LRP1B: variants seen among roughly 807,000 people sequenced by gnomAD.
LRP1B encodes LDL receptor related protein 1B, also known as low-density lipoprotein receptor-related protein 1B.
A neutral mutation model predicts 556.6 loss-of-function variants in LRP1B; 217 were observed. That is an observed-to-expected ratio of 0.39 (90% CI 0.35 to 0.44). LRP1B has a LOEUF of 0.44. Ranked by LOEUF, LRP1B falls within the 20% of genes least tolerant of loss-of-function variation. The pLI is 1.00. For synonymous variants in LRP1B, 2,047 were observed against 1,865.8 expected (o/e 1.10, Z -2.50); for missense variants, 5,053 against 5,620.8 (o/e 0.90, Z 3.23).
intron 32 of LRP1B, among the ~76,000 whole-genome samples, chr2:140,785,643 C>G (rs1689869628): frequency 6.6e-6 from 1 of 151,998 alleles, no homozygotes; most frequent in Non-Finnish European, 1.5e-5. Context: ...GCTAACTACC[C>G]CCTATACCGC....
At chr2:141,115,458 GTTT>G (rs70991138) in intron 7 of LRP1B, among the ~76,000 whole-genome samples, 5 of 120,430 alleles carry the variant, frequency 4.2e-5, no homozygotes, top group African/African-American at 1.2e-4. Flanking sequence ...TTTTGTTTTT[GTTT>G]TTTTTTTTTT....
At chr2:140,718,930 T>C (rs1011492194) in intron 35 of LRP1B, among the ~76,000 whole-genome samples, 3 of 151,438 alleles carry the variant, frequency 2.0e-5, no homozygotes, top group African/African-American at 4.9e-5. Context: ...CCCCTTCTTA[T>C]TGAAACTTTC....
At chr2:140,995,378 T>C (rs776949135) in intron 15 of LRP1B, among the ~76,000 whole-genome samples, 12 of 152,064 alleles carry the variant, frequency 7.9e-5, no homozygotes, top group Non-Finnish European at 1.6e-4. Flanking sequence ...GGGAGATGTA[T>C]CTTTGCAAGA....
chr2:141,877,063 T>C, intron 1 of LRP1B, among the ~76,000 whole-genome samples: 1 of 152,028 alleles, frequency 6.6e-6, no homozygotes, highest in East Asian at 1.9e-4. Context: ...TTTATAATTT[T>C]AGTATTATTT....
chr2:141,118,071 T>C lies in LRP1B; in HGVS notation c.1014-55798A>G, dbSNP rs530987247. Among the ~76,000 whole-genome samples the C allele has an allele frequency of 2.6e-5, 4 of 152,090 alleles. No individual in the cohort carries two copies. The South Asian group carries it at 8.3e-4, about 32-fold the overall frequency. ...TACATTATTCTTGATTAAAACTTTG[T>C]ACCAAACAAATGCATTAATTACTAT... On this transcript the variant is annotated intron_variant, in intron 7 of 90. Transcript: ENST00000389484.
At chr2:140,909,953 G>T (rs1261865836) in intron 21 of LRP1B, among the ~76,000 whole-genome samples, 1 of 150,934 alleles carries the variant, frequency 6.6e-6, no homozygotes, top group East Asian at 2.0e-4. Context: ...AAAAAGCCTT[G>T]AATATAGATA....
intron 14 of LRP1B, among the ~76,000 whole-genome samples, chr2:141,009,546 G>A (rs868658517): frequency 6.6e-6 from 1 of 151,648 alleles, no homozygotes; most frequent in Non-Finnish European, 1.5e-5. Context: ...TCAAAAATGG[G>A]AAATATAAAA....
At chr2:141,722,916 C>T (rs1692888012) in intron 2 of LRP1B, among the ~76,000 whole-genome samples, 1 of 152,130 alleles carries the variant, frequency 6.6e-6, no homozygotes, top group African/African-American at 2.4e-5. Context: ...TAGCTGTAGC[C>T]ATGATGCAGA....
intron 2 of LRP1B, among the ~76,000 whole-genome samples, chr2:141,616,702 C>T (rs1221949977): frequency 6.6e-6 from 1 of 152,198 alleles, no homozygotes; most frequent in Non-Finnish European, 1.5e-5. Flanking sequence ...CCAGGGAACA[C>T]CTTAATGCTT....
chr2:142,064,322 A>G (rs1278969197), intron 1 of LRP1B, among the ~76,000 whole-genome samples: 1 of 151,602 alleles, frequency 6.6e-6, no homozygotes, highest in African/African-American at 2.4e-5. Context: ...CAGAGTTAGA[A>G]AATTCAAGTA....
chr2:140,943,056 G>A (rs939755480), intron 20 of LRP1B, among the ~76,000 whole-genome samples: 3 of 152,042 alleles, frequency 2.0e-5, no homozygotes, highest in African/African-American at 7.2e-5. Context: ...CATGTAATGA[G>A]ACACATAGGT....
chr2:140,747,682 G>A (rs1038674646), intron 35 of LRP1B, among the ~76,000 whole-genome samples: 1 of 152,032 alleles, frequency 6.6e-6, no homozygotes, highest in African/African-American at 2.4e-5. Flanking sequence ...TAATCAGGTT[G>A]GAATAGGTAA....
At chr2:140,424,979 T>C (rs1685594285) in intron 66 of LRP1B, among the ~76,000 whole-genome samples, 1 of 152,196 alleles carries the variant, frequency 6.6e-6, no homozygotes, top group Non-Finnish European at 1.5e-5. Flanking sequence ...TTTTATTGTA[T>C]TTATTTTTAT....
At chr2:141,786,306 G>C (rs887607204) in intron 2 of LRP1B, among the ~76,000 whole-genome samples, 1 of 151,922 alleles carries the variant, frequency 6.6e-6, no homozygotes, top group Non-Finnish European at 1.5e-5. Flanking sequence ...ATCCTCAACT[G>C]TGTCTTTGTG....
intron 7 of LRP1B, among the ~76,000 whole-genome samples, chr2:141,069,937 A>C (rs887541369): frequency 1.0e-4 from 15 of 150,272 alleles, no homozygotes; most frequent in Non-Finnish European, 1.6e-4. Context: ...ATATCTCCTA[A>C]AGCTATACCT....
intron 2 of LRP1B, among the ~76,000 whole-genome samples, chr2:141,490,929 T>A (rs1179535326): frequency 3.8e-5 from 1 of 26,578 alleles, no homozygotes; most frequent in Non-Finnish European, 8.6e-5. Context: ...TAGGTTAAAA[T>A]GTTTTTTTTT....
chr2:141,915,365 AC>A (rs1031755564), intron 1 of LRP1B, among the ~76,000 whole-genome samples: 3 of 152,104 alleles, frequency 2.0e-5, no homozygotes, highest in African/African-American at 7.2e-5. Context: ...ATACAAATAC[AC>A]CATACAAATG....
At chr2:140,424,002 G>A (rs959294284) in intron 66 of LRP1B, among the ~76,000 whole-genome samples, 2 of 152,104 alleles carry the variant, frequency 1.3e-5, no homozygotes, top group South Asian at 2.1e-4. Flanking sequence ...CATCTACCAT[G>A]TTCCAAAATG....
At chr2:142,022,054 G>C (rs898118217) in intron 1 of LRP1B, among the ~76,000 whole-genome samples, 1 of 152,058 alleles carries the variant, frequency 6.6e-6, no homozygotes, top group Non-Finnish European at 1.5e-5. Context: ...CATGAAACTA[G>C]ATTTTTCTTA....
Sources: gnomAD v4.1 joint callset for allele counts (sites outside exome capture counted in the v4.1 genomes callset) on GRCh38, gnomAD v4.1.1 for gene constraint, MANE v1.5 for transcripts, NCBI Gene and HGNC (gene_info 2026-07-23, HGNC 2026-07-21) for gene names.